RRP8: variants seen among roughly 807,000 people sequenced by gnomAD.
The protein encoded by RRP8 is ribosomal RNA-processing protein 8.
Under a neutral mutation model 45.0 loss-of-function variants are expected in RRP8, and 48 were observed. The ratio of observed to expected loss-of-function variants is 1.07; its 90% CI spans 0.85 to 1.36. The LOEUF is 1.36. Ranked by LOEUF, RRP8 falls within the 40% of genes most tolerant of loss-of-function variation. The pLI, the probability that RRP8 is intolerant of heterozygous loss-of-function variation, is 0.00. For synonymous variants in RRP8, 274 were observed against 212.4 expected (o/e 1.29, Z -2.52); for missense variants, 658 against 573.7 (o/e 1.15, Z -1.50).
chr11:6,600,221 A>G lies in RRP8; in HGVS notation c.1296T>C (p.Thr432=). The G allele has an allele frequency of 6.2e-7, 1 of 1,605,094 alleles. No homozygotes were observed. Residue 432 remains threonine (T), a synonymous_variant, in exon 7 of 7, where the codon ACT becomes ACC. Coordinates refer to ENST00000254605, the MANE Select transcript of RRP8 (RefSeq NM_015324.4). ...SHFFLFDFQK[T]GPPLVGPKAQ... is the part of the protein sequence containing the mutation. ...CCTTGGGCCCTACCAGAGGGGGCCCAGTCTTTTGGAAATCAAACAAGAAGA... is the reference window on the plus strand; with the variant it reads ...CCTTGGGCCCTACCAGAGGGGGCCCGGTCTTTTGGAAATCAAACAAGAAGA...
intron 6 of RRP8, 29 bp downstream of exon 6, chr11:6,600,457 A>C: frequency 6.2e-7 from 1 of 1,601,902 alleles, no homozygotes; most frequent in Middle Eastern, 1.9e-4. Flanking sequence ...ATGAGACAAA[A>C]ACAGGTACAG....
rs982436514 is a variant in RRP8, at chr11:6,601,901, T to C, written c.414A>G (p.Lys138=). 8 of 1,614,072 alleles carry C rather than the reference T, an allele frequency of 5.0e-6. No homozygotes were observed. The highest frequency in any genetic ancestry group is 6.8e-6 in the Non-Finnish European group (8 of 1,180,032). The change falls in exon 2 of 7, where the codon AAA becomes AAG. Residue 138 remains lysine, a synonymous_variant. Transcript: ENST00000254605. ...GCTGGGCTGAATTTATAGGGGCATG[T>C]TTCTGGCATTTCCTCTTTCTTTTCT... is the stretch of plus-strand genomic sequence containing the variant. ...EDEKRKRKCQ[K]HAPINSAQHL...
At position 6,600,262 on chromosome 11, in the gene RRP8, G is replaced by T; in HGVS notation, c.1255C>A (p.Leu419Met). Residue 419 changes from leucine to methionine, a missense_variant, in exon 7 of 7, where the codon CTG (leucine) becomes ATG (methionine). Leu to Met is a conservative substitution (Grantham distance 15). Coordinates refer to ENST00000254605, the MANE Select transcript of RRP8 (RefSeq NM_015324.4). ...AACAAGAAGAAATGGCTGTTGGTCA[G>T]GTCCTAGGGGCAGAAAAGACCCAGT... ...KLGFKIVSKD[L>M]TNSHFFLFDF... The T allele has an allele frequency of 3.2e-6, 5 of 1,583,630 alleles. No individual in the cohort carries two copies. Among genetic ancestry groups the T allele is most frequent in the Non-Finnish European group, 4.3e-6 (5 of 1,167,572 alleles).
chr11:6,602,195 G>C lies in RRP8; in HGVS notation c.120C>G (p.Leu40=). 6.4e-7 allele frequency: 1 copy of C among 1,568,602 alleles called. No homozygotes were observed. The highest frequency in any genetic ancestry group is 8.6e-7 in the Non-Finnish European group (1 of 1,159,716). The part of the protein sequence containing the change: ...SQNKGSKRRQ[L]LATLRALEAA... ...CCTCTAGGGCCCGTAATGTGGCCAA[G>C]AGCTGGCGGCGCTTGGAGCCCTGGA... Residue 40 remains leucine, a synonymous_variant, in exon 2 of 7, where the codon CTC becomes CTG. Transcript: ENST00000254605.
rs1048090693 is a variant in RRP8 at position 6,598,595 on chromosome 11, A to T, written c.*1551T>A. On this transcript the variant is annotated 3_prime_UTR_variant, in exon 7 of 7. Coordinates refer to ENST00000254605, the MANE Select transcript of RRP8 (RefSeq NM_015324.4). ...TTTGGGAGTAGAATAGGAAACAACT[A>T]GGCTGTTCGGAAAGATGAGCAAACT... The T allele has an allele frequency of 6.6e-6, 1 of 152,274 alleles. No homozygotes were observed. Among genetic ancestry groups the T allele is most frequent in the Non-Finnish European group, 1.5e-5 (1 of 68,056 alleles). The allele number at this position is 152,274 out of a possible 1,614,324, so 9.4% of individuals were successfully genotyped here.
At position 6,600,679 on chromosome 11, in the gene RRP8, G is replaced by A. The variant is rs1564835192; in HGVS notation, c.1144C>T (p.Leu382=). Residue 382 remains leucine, a synonymous_variant, in exon 5 of 7, where the codon CTG becomes TTG. Coordinates refer to ENST00000254605, the MANE Select transcript of RRP8 (RefSeq NM_015324.4). ...CCTGGGGGCTCTTACCCTGGCTTCA[G>A]TACTCTATTTGCCTCCTCTAGGAAG... The part of the protein sequence containing the change: ...RDFLEEANRV[L]KPGGLLKVAE... 8.7e-6 allele frequency: 14 copies of A among 1,613,950 alleles called. No individual in the cohort carries two copies. The highest frequency in any genetic ancestry group is 1.2e-5 in the Non-Finnish European group (14 of 1,179,860).
At chr11:6,602,362 A>AGACGGAG in intron 1 of RRP8, 147 bp from the exon 2 acceptor site, 1 of 909,204 alleles carries the variant, frequency 1.1e-6, no homozygotes, top group Non-Finnish European at 1.6e-6. Context: ...AAGAACTTTT[A>AGACGGAG]TGTCACCACC....
rs768817359 is a variant in RRP8, at chr11:6,600,962, A to G, written c.1011T>C (p.Ser337=). 1.9e-6 allele frequency: 3 copies of G among 1,614,220 alleles called. No individual in the cohort carries two copies. The South Asian group carries it at 3.3e-5, about 18-fold the overall frequency. ...RNPVHCFDLA[S]LDPRVTVCDM... ...CACACACAGTGACCCTAGGGTCCAG[A>G]GAAGCCAAGTCAAAGCAATGCACAG... The change falls in exon 4 of 7, where the codon TCT becomes TCC. Residue 337 remains serine, a synonymous_variant. Transcript: ENST00000254605.
chr11:6,600,899 C>T, intron 4 of RRP8, 27 bp downstream of exon 4: 1 of 1,613,998 alleles, frequency 6.2e-7, no homozygotes, highest in Non-Finnish European at 8.5e-7. Flanking sequence ...GGCCCTAGAG[C>T]ACAAGCCAGA....
rs1854232969 is a variant in RRP8, at chr11:6,596,631, A to G, written c.*3515T>C. 6.6e-6 allele frequency: 1 copy of G among 152,272 alleles called. No homozygotes were observed. Among genetic ancestry groups the G allele is most frequent in the South Asian group, 2.1e-4 (1 of 4,834 alleles). The allele number at this position is 152,272 out of a possible 1,614,324, so 9.4% of individuals were successfully genotyped here. A position where few individuals can be genotyped will look rare whatever the true frequency, so the allele number is the denominator to read the frequency against. ...ATCCTAAAACCAGATGGCTGGTCAGAGAATTCACCTGGGAAGGAGGATGAC... is the reference window on the plus strand; with the variant it reads ...ATCCTAAAACCAGATGGCTGGTCAGGGAATTCACCTGGGAAGGAGGATGAC... On this transcript the variant is annotated 3_prime_UTR_variant, in exon 7 of 7. Coordinates refer to ENST00000254605, the MANE Select transcript of RRP8 (RefSeq NM_015324.4).
intron 6 of RRP8, 73 bp downstream of exon 6, chr11:6,600,413 C>G: frequency 6.9e-7 from 1 of 1,458,120 alleles, no homozygotes; most frequent in Admixed American, 1.9e-5. Flanking sequence ...CCTAAAGCCT[C>G]CTTCCTGAAC....
intron 2 of RRP8, 96 bp downstream of exon 2, chr11:6,601,756 T>C: frequency 1.4e-6 from 2 of 1,479,500 alleles, no homozygotes; most frequent in Non-Finnish European, 1.8e-6. Flanking sequence ...TTAGCCCCAA[T>C]CCTAATGGCA....
At position 6,597,208 on chromosome 11, in the gene RRP8, G is replaced by C. The variant is rs1040341227; in HGVS notation, c.*2938C>G. ...GATTGGTATGCTCTTCCCTCTGCTC[G>C]GCTCCTCTCTACCTAATCACTGCTG... On this transcript the variant is annotated 3_prime_UTR_variant, in exon 7 of 7. Coordinates refer to ENST00000254605, the MANE Select transcript of RRP8 (RefSeq NM_015324.4). 3.9e-5 allele frequency: 6 copies of C among 152,130 alleles called. No individual in the cohort carries two copies. Among genetic ancestry groups the C allele is most frequent in the East Asian group, 3.9e-4 (2 of 5,170 alleles). The allele number at this position is 152,130 out of a possible 1,614,324, so 9.4% of individuals were successfully genotyped here.
At position 6,598,343 on chromosome 11, in the gene RRP8, CT is replaced by C. The variant is rs1854267767; in HGVS notation, c.*1802del. ...TAGTACCTGGGTTTCTATAACACCC[CT>C]GTTCTCATCTATCCCACTCAACTGG... On this transcript the variant is annotated 3_prime_UTR_variant, in exon 7 of 7. Transcript: ENST00000254605. 1 of 152,270 alleles carries C rather than the reference CT, an allele frequency of 6.6e-6. No homozygotes were observed. The highest frequency in any genetic ancestry group is 1.5e-5 in the Non-Finnish European group (1 of 68,082). The allele number at this position is 152,270 out of a possible 1,614,324, so 9.4% of individuals were successfully genotyped here.
Position 6,601,807 on chromosome 11 carries a change from G to GAC in RRP8, c.463+43_463+44dup, listed in dbSNP as rs759986915. The GAC allele has an allele frequency of 2.6e-5, 40 of 1,538,372 alleles. No individual in the cohort carries two copies. The Admixed American group carries it at 3.2e-4, about 12-fold the overall frequency. Reference sequence around the variant, plus strand: ...TGTATGTAGAACCAGCTGACCCCCCGACACACACACACCAACACACACACA... The same window carrying GAC: ...TGTATGTAGAACCAGCTGACCCCCCGACACACACACACACCAACACACACACA... On this transcript the variant is annotated intron_variant, in intron 2 of 6. Coordinates refer to ENST00000254605, the MANE Select transcript of RRP8 (RefSeq NM_015324.4).
chr11:6,600,730 A>G lies in RRP8; in HGVS notation c.1093T>C (p.Ser365Pro), dbSNP rs1854328252. The G allele has an allele frequency of 6.8e-6, 11 of 1,614,114 alleles. No homozygotes were observed. The highest frequency in any genetic ancestry group is 9.3e-6 in the Non-Finnish European group (11 of 1,180,010). The change falls in exon 5 of 7, where the codon TCA (serine) becomes CCA (proline). Residue 365 changes from serine (S) to proline (P), a missense_variant. Transcript: ENST00000254605. ...TCCCTGATGTTGGTTCCCATCAGTG[A>G]AAGGCAAAACACAGCCACATCCACA... ...ESVDVAVFCL[S>P]LMGTNIRDFL... is the part of the protein sequence containing the mutation.
In RRP8 at chr11:6,600,936, TCACA is replaced by T. The variant is rs751663844; in HGVS notation, c.1033_1036del (p.Cys345ThrfsTer21). The T allele has an allele frequency of 6.2e-7, 1 of 1,614,134 alleles. No homozygotes were observed. The highest frequency in any genetic ancestry group is 8.5e-7 in the Non-Finnish European group (1 of 1,180,000). On this transcript the variant is annotated frameshift_variant, in exon 4 of 7. Coordinates refer to ENST00000254605, the MANE Select transcript of RRP8 (RefSeq NM_015324.4). LOFTEE classifies it high-confidence loss of function. ...AACATAGGGGTTTACCTGGGCCATG[TCACA>T]CACAGTGACCCTAGGGTCCAGAGAA...
Position 6,601,951 on chromosome 11 carries a change from C to G in RRP8, c.364G>C (p.Val122Leu). Residue 122 changes from valine to leucine, a missense_variant, in exon 2 of 7, where the codon GTT (valine) becomes CTT (leucine). Transcript: ENST00000254605. ...RKKKCHKQAL[V>L]GSDSAEDEKR... ...TCATCTTCAGCAGAGTCACTGCCAA[C>G]AAGAGCCTGTTTGTGGCATTTCTTC... 6.2e-7 allele frequency: 1 copy of G among 1,614,178 alleles called. No individual in the cohort carries two copies. The highest frequency in any genetic ancestry group is 8.5e-7 in the Non-Finnish European group (1 of 1,180,002).
Position 6,600,105 on chromosome 11 carries a change from G to A in RRP8, c.*41C>T, listed in dbSNP as rs1178123957. 1.5e-6 allele frequency: 2 copies of A among 1,315,578 alleles called. No individual in the cohort carries two copies. The highest frequency in any genetic ancestry group is 2.1e-6 in the Non-Finnish European group (2 of 953,524). The allele number at this position is 1,315,578 out of a possible 1,614,324, so 81.5% of individuals were successfully genotyped here. A position where few individuals can be genotyped will look rare whatever the true frequency, so the allele number is the denominator to read the frequency against. On this transcript the variant is annotated 3_prime_UTR_variant, in exon 7 of 7. Coordinates refer to ENST00000254605, the MANE Select transcript of RRP8 (RefSeq NM_015324.4). ...AACAGTCTTCACAGTTCTGAGCCTG[G>A]AGTTTGAGATCTGCCTCCCCTTTCA...
Sources: gnomAD v4.1 joint callset for allele counts on GRCh38, gnomAD v4.1.1 for gene constraint, MANE v1.5 for transcripts, NCBI Gene and HGNC (gene_info 2026-07-23, HGNC 2026-07-21) for gene names.